GFPT2: variants seen among roughly 807,000 people sequenced by gnomAD.
GFPT2 encodes glutamine--fructose-6-phosphate aminotransferase [isomerizing] 2.
GFPT2 carries 62 observed loss-of-function variants against 85.6 expected under a neutral mutation model. That is an observed-to-expected ratio of 0.72 (90% CI 0.59 to 0.90). The LOEUF is 0.90. Among genes scored for constraint, GFPT2 ranks in the 40% least tolerant of loss-of-function variants. The pLI is 0.00. For missense variants in GFPT2, 788 were observed against 893.4 expected, an observed-to-expected ratio of 0.88 and a Z score of 1.50; for synonymous variants, 368 against 344.5, an observed-to-expected ratio of 1.07 and a Z score of -0.75.
chr5:180,325,135 C>A (rs1389707388), intron 7 of GFPT2, among the ~76,000 whole-genome samples: 2 of 152,222 alleles, frequency 1.3e-5, no homozygotes, highest in African/African-American at 4.8e-5. Context: ...CTCACTCCCA[C>A]CCTCCTAGGC....
intron 4 of GFPT2, 141 bp downstream of exon 4, chr5:180,335,687 G>T: frequency 1.2e-6 from 1 of 866,346 alleles, no homozygotes; most frequent in Non-Finnish European, 1.7e-6. Flanking sequence ...CTGGGAGAGG[G>T]GACATCCGCA....
At chr5:180,304,368 G>A (rs1763737461) in intron 17 of GFPT2, among the ~76,000 whole-genome samples, 1 of 152,204 alleles carries the variant, frequency 6.6e-6, no homozygotes, top group South Asian at 2.1e-4. Context: ...TGCAACAGGT[G>A]CCTGAATCGA....
chr5:180,353,151 T>G, intron 1 of GFPT2, 60 bp downstream of exon 1: 1 of 1,220,452 alleles, frequency 8.2e-7, no homozygotes, highest in Non-Finnish European at 1.0e-6. Context: ...GCGGAGAGGC[T>G]GCGGCGCCGG....
At position 180,330,479 on chromosome 5, in the gene GFPT2, T is replaced by C. The variant is rs942268645; in HGVS notation, c.534+221A>G. Among the ~76,000 whole-genome samples the C allele has an allele frequency of 3.9e-5, 6 of 152,214 alleles. No homozygotes were observed. The highest frequency in any genetic ancestry group is 1.4e-4 in the African/African-American group (6 of 41,466). Reference sequence around the variant, plus strand: ...GAAGCAGGGCACTTTCTATTTGATGTTGACTACCCAAACCACAGAACGTCT... The same window carrying C: ...GAAGCAGGGCACTTTCTATTTGATGCTGACTACCCAAACCACAGAACGTCT... On this transcript the variant is annotated intron_variant, in intron 6 of 18. Transcript: ENST00000253778. This position sits in a 1 kb window ranked among gnomAD's most constrained non-coding sequence, Gnocchi z 4.4.
At position 180,324,894 on chromosome 5, in the gene GFPT2, T is replaced by C; in HGVS notation, c.598A>G (p.Arg200Gly). 6.2e-7 allele frequency: 1 copy of C among 1,603,698 alleles called. No individual in the cohort carries two copies. Among genetic ancestry groups the C allele is most frequent in the Non-Finnish European group, 8.5e-7 (1 of 1,170,686 alleles). Residue 200 changes from arginine (R) to glycine (G), a missense_variant and splice_region_variant, in exon 8 of 19, where the codon AGA becomes GGA. Physicochemically the swap from Arg to Gly is moderately radical, Grantham distance 125 (BLOSUM62 -2). Transcript: ENST00000253778. ...ACTCCGATGAGCAGGGGGCTGCCTCTCCTGTAGGGAGAAAGAGGCATCCCA... is the reference window on the plus strand; with the variant it reads ...ACTCCGATGAGCAGGGGGCTGCCTCCCCTGTAGGGAGAAAGAGGCATCCCA... ...HYPGEAVATR[R>G]GSPLLIGVRS...
Position 180,301,429 on chromosome 5 carries a change from G to T in GFPT2, c.*135C>A, listed in dbSNP as rs776903720. The T allele has an allele frequency of 5.1e-6, 4 of 778,352 alleles. No individual in the cohort carries two copies. Among genetic ancestry groups the T allele is most frequent in the African/African-American group, 1.7e-5 (1 of 58,260 alleles). 48.2% of individuals were successfully genotyped at this position (778,352 alleles called of 1,614,324 possible). A position where few individuals can be genotyped will look rare whatever the true frequency, so the allele number is the denominator to read the frequency against. ...GCAAAAGCACTTGGGTAGAAGGCACGTGGAAGCTGTCAAGCTCTACAGGAG... is the reference window on the plus strand; with the variant it reads ...GCAAAAGCACTTGGGTAGAAGGCACTTGGAAGCTGTCAAGCTCTACAGGAG... On this transcript the variant is annotated 3_prime_UTR_variant, in exon 19 of 19. Coordinates refer to ENST00000253778, the MANE Select transcript of GFPT2 (RefSeq NM_005110.4).
In GFPT2 at chr5:180,353,202, G is replaced by C; in HGVS notation, c.7+9C>G. 9 of 1,237,286 alleles carry C rather than the reference G, an allele frequency of 7.3e-6. No individual in the cohort carries two copies. The highest frequency in any genetic ancestry group is 6.1e-6 in the Non-Finnish European group (6 of 988,034). 76.6% of individuals were successfully genotyped at this position (1,237,286 alleles called of 1,614,324 possible). ...TGGAGGAGGCGGCTCGGGCGGGCGC[G>C]GCACTCACCGCACATCGTGGCTGCT... On this transcript the variant is annotated intron_variant, in intron 1 of 18. Coordinates refer to ENST00000253778, the MANE Select transcript of GFPT2 (RefSeq NM_005110.4).
intron 16 of GFPT2, among the ~76,000 whole-genome samples, chr5:180,305,220 C>T (rs892466640): frequency 1.8e-4 from 28 of 152,158 alleles, no homozygotes; most frequent in African/African-American, 6.8e-4. Context: ...TCCAGTCCCA[C>T]GCACAGCCAC....
In GFPT2 at chr5:180,313,920, G is replaced by T. The variant is rs370443163; in HGVS notation, c.1318C>A (p.Arg440Ser). Residue 440 changes from arginine to serine, a missense_variant, in exon 14 of 19, where the codon CGC (arginine) becomes AGC (serine). Coordinates refer to ENST00000253778, the MANE Select transcript of GFPT2 (RefSeq NM_005110.4). ...TLLALRYCKD[R>S]GALTVGVTNT... Reference sequence around the variant, plus strand: ...GTGACGCCCACGGTGAGAGCGCCGCGGTCCTTACAGTAGCGCAGCGCCAGG... The same window carrying T: ...GTGACGCCCACGGTGAGAGCGCCGCTGTCCTTACAGTAGCGCAGCGCCAGG... 2 of 1,605,218 alleles carry T rather than the reference G, an allele frequency of 1.2e-6. No individual in the cohort carries two copies. Among genetic ancestry groups the T allele is most frequent in the Non-Finnish European group, 8.5e-7 (1 of 1,179,410 alleles).
chr5:180,336,623 TCA>T, intron 2 of GFPT2, 46 bp from the exon 3 acceptor site: 1 of 1,285,596 alleles, frequency 7.8e-7, no homozygotes, highest in Middle Eastern at 1.8e-4. Flanking sequence ...AAGCTTTTTC[TCA>T]CACACTTGGC....
chr5:180,342,638 A>G (rs1581389469), intron 1 of GFPT2, among the ~76,000 whole-genome samples: 1 of 152,150 alleles, frequency 6.6e-6, no homozygotes, highest in South Asian at 2.1e-4. Context: ...GCAGTGGCTC[A>G]CGCCTGTAAT....
chr5:180,317,498 G>T (rs761930339), intron 10 of GFPT2, among the ~76,000 whole-genome samples: 1 of 151,732 alleles, frequency 6.6e-6, no homozygotes, highest in Non-Finnish European at 1.5e-5. Flanking sequence ...AGTGGCTCAC[G>T]CCTGTAATCC....
intron 18 of GFPT2, among the ~76,000 whole-genome samples, chr5:180,301,967 G>A (rs1016392526): frequency 6.0e-5 from 9 of 150,892 alleles, no homozygotes; most frequent in African/African-American, 1.7e-4. Context: ...AGGGTGGAGT[G>A]GGAAGGAAAG....
At chr5:180,322,614 C>A (rs1764140263) in intron 9 of GFPT2, among the ~76,000 whole-genome samples, 1 of 152,234 alleles carries the variant, frequency 6.6e-6, no homozygotes, top group South Asian at 2.1e-4. Context: ...GATTTCCACA[C>A]CTTTACTCCC....
chr5:180,301,510 G>A lies in GFPT2; in HGVS notation c.*54C>T. ...TTCCCATGTAGCATCCCTGCTGTTGGGACAGGTCTGGAATCAGATGAAAGG... is the reference window on the plus strand; with the variant it reads ...TTCCCATGTAGCATCCCTGCTGTTGAGACAGGTCTGGAATCAGATGAAAGG... On this transcript the variant is annotated 3_prime_UTR_variant, in exon 19 of 19. Transcript: ENST00000253778. 5 of 1,412,304 alleles carry A rather than the reference G, an allele frequency of 3.5e-6. No homozygotes were observed. Among genetic ancestry groups the A allele is most frequent in the Non-Finnish European group, 5.0e-6 (5 of 995,646 alleles). 87.5% of individuals were successfully genotyped at this position (1,412,304 alleles called of 1,614,324 possible). A position where few individuals can be genotyped will look rare whatever the true frequency, so the allele number is the denominator to read the frequency against.
chr5:180,302,532 G>C lies in GFPT2; in HGVS notation c.1895C>G (p.Ala632Gly), dbSNP rs1220761261. ...GTGGGGCAGCTCAATTGTCTTATAC[G>C]CAAACTTGGAACTTTCAGTATCGTC... ...SKDDTESSKF[A>G]YKTIELPHTV... The change falls in exon 18 of 19, where the codon GCG becomes GGG. Residue 632 changes from alanine to glycine, a missense_variant. Ala to Gly is a moderately conservative substitution (Grantham distance 60). Transcript: ENST00000253778. 1.2e-6 allele frequency: 2 copies of C among 1,613,600 alleles called. No individual in the cohort carries two copies. Among genetic ancestry groups the C allele is most frequent in the South Asian group, 2.2e-5 (2 of 91,072 alleles).
intron 1 of GFPT2, among the ~76,000 whole-genome samples, chr5:180,342,027 C>T (rs1253174187): frequency 6.6e-6 from 1 of 152,178 alleles, no homozygotes; most frequent in Non-Finnish European, 1.5e-5. Flanking sequence ...CTTTCCCATG[C>T]TGTTCTCGTG....
At position 180,330,450 on chromosome 5, in the gene GFPT2, C is replaced by A. The variant is rs983155446; in HGVS notation, c.534+250G>T. ...GCCAGTCACAATTTCAGAAGTGTCACGATGAAGCAGGGCACTTTCTATTTG... is the reference window on the plus strand; with the variant it reads ...GCCAGTCACAATTTCAGAAGTGTCAAGATGAAGCAGGGCACTTTCTATTTG... On this transcript the variant is annotated intron_variant, in intron 6 of 18. Transcript: ENST00000253778. This position sits in a 1 kb window ranked among gnomAD's most constrained non-coding sequence, Gnocchi z 4.4. Among the ~76,000 whole-genome samples the A allele has an allele frequency of 2.0e-5, 3 of 152,170 alleles. No homozygotes were observed. Among genetic ancestry groups the A allele is most frequent in the Non-Finnish European group, 4.4e-5 (3 of 68,038 alleles).
chr5:180,336,474 CT>C lies in GFPT2; in HGVS notation c.214+4del. On this transcript the variant is annotated splice_donor_region_variant and intron_variant, in intron 3 of 18. Transcript: ENST00000253778. ...GCTCCTCCCACTCAGAGGTCCTCCA[CT>C]TACTGTAAAGTTCTTCATCGAGAGC... 6.5e-7 allele frequency: 1 copy of C among 1,538,338 alleles called. No homozygotes were observed. Among genetic ancestry groups the C allele is most frequent in the Non-Finnish European group, 9.0e-7 (1 of 1,110,786 alleles).
Sources: gnomAD v4.1 joint callset for allele counts (sites outside exome capture counted in the v4.1 genomes callset) on GRCh38, gnomAD v4.1.1 for gene constraint, Gnocchi (gnomAD v3.1) non-coding constraint, MANE v1.5 for transcripts, NCBI Gene and HGNC (gene_info 2026-07-23, HGNC 2026-07-21) for gene names.